GRM3: variants seen among roughly 807,000 people sequenced by gnomAD.
The protein encoded by GRM3 is metabotropic glutamate receptor 3.
Under a neutral mutation model 70.5 loss-of-function variants are expected in GRM3, and 26 were observed. The ratio of observed to expected loss-of-function variants is 0.37; its 90% CI spans 0.27 to 0.51. The LOEUF is 0.51. GRM3 is among the 20% of genes least tolerant of loss of function. The probability of loss-of-function intolerance (pLI) is 0.93; values close to 1 mark genes in which losing one functional copy is unlikely to be tolerated. For synonymous variants in GRM3, 443 were observed against 434.9 expected, an observed-to-expected ratio of 1.02 and a Z score of -0.23; for missense variants, 859 against 1,123.8, an observed-to-expected ratio of 0.76 and a Z score of 3.37.
intron 1 of GRM3, among the ~76,000 whole-genome samples, chr7:86,667,319 T>C (rs185403414): frequency 9.2e-5 from 14 of 152,194 alleles, no homozygotes; most frequent in Admixed American, 3.9e-4. Flanking sequence ...ACCTGTGGCT[T>C]AAGATATATA....
intron 2 of GRM3, among the ~76,000 whole-genome samples, chr7:86,769,409 G>A (rs1796684974): frequency 6.6e-6 from 1 of 152,122 alleles, no homozygotes; most frequent in Admixed American, 6.6e-5. Context: ...TGCCTGTTGA[G>A]AGAGAACTTT....
chr7:86,688,089 T>A (rs934483858), intron 1 of GRM3, among the ~76,000 whole-genome samples: 1 of 151,718 alleles, frequency 6.6e-6, no homozygotes, highest in Non-Finnish European at 1.5e-5. Flanking sequence ...CATTTCACTC[T>A]GTTTAAGTAT....
chr7:86,656,260 CT>C (rs1165969016), intron 1 of GRM3, among the ~76,000 whole-genome samples: 458 of 83,230 alleles, frequency 5.5e-3, no homozygotes, highest in East Asian at 0.01. Flanking sequence ...ATACTATGTT[CT>C]TTTTTTTTTT....
At chr7:86,851,910 T>C (rs2115570688) in intron 5 of GRM3, among the ~76,000 whole-genome samples, 1 of 152,296 alleles carries the variant, frequency 6.6e-6, no homozygotes, top group South Asian at 2.1e-4. Context: ...GAACTGTCAA[T>C]AACTAATAAA....
chr7:86,815,881 C>T (rs1020562102), intron 3 of GRM3, among the ~76,000 whole-genome samples: 1 of 151,846 alleles, frequency 6.6e-6, no homozygotes, highest in African/African-American at 2.4e-5. Flanking sequence ...GAAGAACAAA[C>T]ATAAAAAGAT....
intron 2 of GRM3, among the ~76,000 whole-genome samples, chr7:86,777,409 C>T (rs1796921072): frequency 1.3e-5 from 2 of 152,022 alleles, no homozygotes; most frequent in African/African-American, 2.4e-5. Flanking sequence ...TTAGGGAGTC[C>T]TTTGTTTGGA....
chr7:86,810,605 C>T (rs1199317692), intron 3 of GRM3, among the ~76,000 whole-genome samples: 1 of 151,936 alleles, frequency 6.6e-6, no homozygotes, highest in East Asian at 1.9e-4. Flanking sequence ...TGCTTAATGG[C>T]TTTGCATAGA....
chr7:86,808,543 C>T (rs550403260), intron 3 of GRM3, among the ~76,000 whole-genome samples: 28 of 151,844 alleles, frequency 1.8e-4, no homozygotes, highest in African/African-American at 4.8e-4. Flanking sequence ...CTGATCCATA[C>T]CATGAAGAAA....
At chr7:86,712,968 T>A (rs1048180054) in intron 1 of GRM3, among the ~76,000 whole-genome samples, 1 of 152,108 alleles carries the variant, frequency 6.6e-6, no homozygotes, top group Non-Finnish European at 1.5e-5. Context: ...ATATATTGAT[T>A]TCCTTCCTTT....
chr7:86,711,684 G>C (rs1299330898), intron 1 of GRM3, among the ~76,000 whole-genome samples: 2 of 152,030 alleles, frequency 1.3e-5, no homozygotes, highest in Non-Finnish European at 2.9e-5. Flanking sequence ...ACAACTTATA[G>C]TTAATTAATT....
At chr7:86,832,245 C>CTTTT (rs371453726) in intron 3 of GRM3, among the ~76,000 whole-genome samples, 6 of 112,330 alleles carry the variant, frequency 5.3e-5, no homozygotes, top group Non-Finnish European at 8.8e-5. Context: ...TGCTTGTAGC[C>CTTTT]TTTTTTTTTT....
At chr7:86,724,198 A>G (rs1452156353) in intron 1 of GRM3, among the ~76,000 whole-genome samples, 1 of 152,102 alleles carries the variant, frequency 6.6e-6, no homozygotes, top group Non-Finnish European at 1.5e-5. Context: ...AATAGGTTAA[A>G]TAGAATGCTC....
intron 1 of GRM3, among the ~76,000 whole-genome samples, chr7:86,691,052 C>A (rs1320300203): frequency 6.6e-6 from 1 of 152,082 alleles, no homozygotes; most frequent in Non-Finnish European, 1.5e-5. Context: ...CCTCTACTAC[C>A]ATTTCCTAGT....
At chr7:86,852,950 T>C (rs987538178) in intron 5 of GRM3, among the ~76,000 whole-genome samples, 3 of 152,162 alleles carry the variant, frequency 2.0e-5, no homozygotes, top group Non-Finnish European at 4.4e-5. Flanking sequence ...TTAAAAACTT[T>C]CCCATTTTAA....
chr7:86,758,467 T>C (rs1032077996), intron 1 of GRM3, among the ~76,000 whole-genome samples: 5 of 152,234 alleles, frequency 3.3e-5, no homozygotes, highest in African/African-American at 1.2e-4. Context: ...GGCTTTGTAA[T>C]GAGGGTAAGG....
chr7:86,655,645 A>G (rs1041541481), intron 1 of GRM3, among the ~76,000 whole-genome samples: 3 of 152,138 alleles, frequency 2.0e-5, no homozygotes, highest in African/African-American at 7.2e-5. Flanking sequence ...GAAGCTGAAA[A>G]AGTAAGCTTA....
intron 1 of GRM3, among the ~76,000 whole-genome samples, chr7:86,662,842 CTGA>C (rs1463206060): frequency 6.6e-6 from 1 of 151,928 alleles, no homozygotes; most frequent in African/African-American, 2.4e-5. Context: ...ACCCCAAATA[CTGA>C]TGAGAGCCAC....
Position 86,768,442 on chromosome 7 carries a change from T to C in GRM3, c.468+2829T>C, listed in dbSNP as rs547890197. 1.5e-4 allele frequency among the ~76,000 whole-genome samples: 23 copies of C among 152,304 alleles called. No homozygotes were observed. The South Asian group carries it at 4.6e-3, about 30-fold the overall frequency. Reference sequence around the variant, plus strand: ...GGAGTTAGAGCAAACACTAAAGTCATATAGAACACAGCCCTGATCTCAAGA... The same window carrying C: ...GGAGTTAGAGCAAACACTAAAGTCACATAGAACACAGCCCTGATCTCAAGA... On this transcript the variant is annotated intron_variant, in intron 2 of 5. Transcript: ENST00000361669.
At chr7:86,769,727 G>T (rs1216202799) in intron 2 of GRM3, among the ~76,000 whole-genome samples, 4 of 152,072 alleles carry the variant, frequency 2.6e-5, no homozygotes, top group South Asian at 2.1e-4. Flanking sequence ...GAAGAAACTG[G>T]ATAATTATTT....
Sources: gnomAD v4.1 joint callset for allele counts (sites outside exome capture counted in the v4.1 genomes callset) on GRCh38, gnomAD v4.1.1 for gene constraint, MANE v1.5 for transcripts, NCBI Gene and HGNC (gene_info 2026-07-23, HGNC 2026-07-21) for gene names.